The following PTPRD variants were observed in gnomAD, a reference collection of about 807,000 sequenced individuals.
The protein encoded by PTPRD is receptor-type tyrosine-protein phosphatase delta.
A neutral mutation model predicts 214.5 loss-of-function variants in PTPRD; 34 were observed. That is an observed-to-expected ratio of 0.16 (90% CI 0.12 to 0.21). PTPRD has a LOEUF of 0.21. Among genes scored for constraint, PTPRD ranks in the 10% least tolerant of loss-of-function variants. The probability of loss-of-function intolerance (pLI) is 1.00; values close to 1 mark genes in which losing one functional copy is unlikely to be tolerated. For missense variants in PTPRD, 2,545 were observed against 2,398.7 expected (o/e 1.06, Z -1.27); for synonymous variants, 1,128 against 845.7 (o/e 1.33, Z -5.79).
At chr9:9,990,505 G>C (rs2095874995) in intron 4 of PTPRD, among the ~76,000 whole-genome samples, 1 of 152,166 alleles carries the variant, frequency 6.6e-6, no homozygotes, top group Admixed American at 6.5e-5. Context: ...CCCATTCCAG[G>C]CATGACTGTG....
At chr9:9,180,128 C>T (rs1466779516) in intron 10 of PTPRD, among the ~76,000 whole-genome samples, 2 of 151,628 alleles carry the variant, frequency 1.3e-5, no homozygotes, top group African/African-American at 2.4e-5. Flanking sequence ...AATCATGCTG[C>T]TATGAAGACA....
chr9:9,649,349 A>G (rs1457448502), intron 7 of PTPRD, among the ~76,000 whole-genome samples: 2 of 152,122 alleles, frequency 1.3e-5, no homozygotes, highest in African/African-American at 4.8e-5. Flanking sequence ...TAATGTGTAC[A>G]CTCTATCTGT....
At chr9:10,267,619 A>G (rs1595752213) in intron 3 of PTPRD, among the ~76,000 whole-genome samples, 1 of 152,216 alleles carries the variant, frequency 6.6e-6, no homozygotes. Flanking sequence ...ACTGGAATAT[A>G]AATTGGTACA....
At chr9:9,407,509 T>A (rs2073932433) in intron 8 of PTPRD, among the ~76,000 whole-genome samples, 1 of 151,820 alleles carries the variant, frequency 6.6e-6, no homozygotes, top group South Asian at 2.1e-4. Context: ...TACCTCTGAA[T>A]AATAGGATAT....
At chr9:9,804,269 T>C (rs1347776604) in intron 5 of PTPRD, among the ~76,000 whole-genome samples, 1 of 152,066 alleles carries the variant, frequency 6.6e-6, no homozygotes, top group Non-Finnish European at 1.5e-5. Context: ...CATGCAATAT[T>C]TCATAAAATA....
intron 9 of PTPRD, among the ~76,000 whole-genome samples, chr9:9,228,859 C>G (rs1336547145): frequency 6.6e-6 from 1 of 152,040 alleles, no homozygotes; most frequent in Non-Finnish European, 1.5e-5. Flanking sequence ...ATTGAAAAGG[C>G]AGAATTCTAA....
At chr9:9,989,007 T>TTCAC (rs2095815432) in intron 4 of PTPRD, among the ~76,000 whole-genome samples, 1 of 96,572 alleles carries the variant, frequency 1.0e-5, no homozygotes, top group Non-Finnish European at 1.8e-5. Context: ...AGCCCTTAGT[T>TTCAC]TCACTGACCA....
At chr9:8,980,211 C>T (rs1456665910) in intron 11 of PTPRD, among the ~76,000 whole-genome samples, 1 of 151,606 alleles carries the variant, frequency 6.6e-6, no homozygotes, top group Non-Finnish European at 1.5e-5. Context: ...GAGAGTGAAA[C>T]CATGTTTATC....
intron 14 of PTPRD, among the ~76,000 whole-genome samples, chr9:8,612,697 T>G (rs2095491948): frequency 6.6e-6 from 1 of 152,230 alleles, no homozygotes; most frequent in African/African-American, 2.4e-5. Flanking sequence ...GGATGTTCAC[T>G]GAGGTGAGAA....
intron 7 of PTPRD, among the ~76,000 whole-genome samples, chr9:9,734,016 T>C (rs1355489983): frequency 2.0e-5 from 3 of 152,170 alleles, no homozygotes; most frequent in East Asian, 1.9e-4. Context: ...CAGGAAAATG[T>C]TGCAAGGATT....
rs567819917 is a variant in PTPRD at position 8,632,997 on chromosome 9, C to G, written c.352+320G>C. On this transcript the variant is annotated intron_variant, in intron 14 of 45. Coordinates refer to ENST00000381196, the MANE Select transcript of PTPRD (RefSeq NM_002839.4). ...GAATACAGTATGAAAAATCCATGCA[C>G]GAGTAATGCCAACATATAAAAGAGT... Among the ~76,000 whole-genome samples the G allele has an allele frequency of 1.3e-4, 20 of 151,916 alleles. No homozygotes were observed. The East Asian group carries it at 3.7e-3, about 28-fold the overall frequency.
intron 9 of PTPRD, among the ~76,000 whole-genome samples, chr9:9,245,918 C>G (rs1174740294): frequency 6.6e-6 from 1 of 151,958 alleles, no homozygotes; most frequent in African/African-American, 2.4e-5. Context: ...GGTTCTGTAG[C>G]TTTCAGATAT....
intron 12 of PTPRD, among the ~76,000 whole-genome samples, chr9:8,721,429 C>CAAA (rs35721977): frequency 2.9e-3 from 281 of 97,314 alleles, no homozygotes; most frequent in African/African-American, 9.7e-3. Flanking sequence ...GACTCCATTT[C>CAAA]AAAAAAAAAA....
At chr9:10,056,860 G>A (rs2097660868) in intron 3 of PTPRD, among the ~76,000 whole-genome samples, 1 of 152,048 alleles carries the variant, frequency 6.6e-6, no homozygotes, top group South Asian at 2.1e-4. Flanking sequence ...ACAGAAGCAG[G>A]GACTTGCAGA....
chr9:9,325,752 G>A (rs899181433), intron 9 of PTPRD, among the ~76,000 whole-genome samples: 2 of 152,084 alleles, frequency 1.3e-5, no homozygotes, highest in African/African-American at 2.4e-5. Context: ...GGTGAGAGAG[G>A]GCATCCCTGT....
chr9:8,618,178 T>C (rs932697730), intron 14 of PTPRD, among the ~76,000 whole-genome samples: 2 of 152,114 alleles, frequency 1.3e-5, no homozygotes, highest in African/African-American at 4.8e-5. Flanking sequence ...TTCCACCAAC[T>C]GCTGTTTAAG....
At chr9:8,351,167 C>T (rs2075335341) in intron 39 of PTPRD, among the ~76,000 whole-genome samples, 1 of 152,072 alleles carries the variant, frequency 6.6e-6, no homozygotes, top group South Asian at 2.1e-4. Context: ...TGACCCTCTC[C>T]AAAATAGCAT....
At chr9:9,063,980 T>C (rs1220559007) in intron 10 of PTPRD, among the ~76,000 whole-genome samples, 1 of 152,204 alleles carries the variant, frequency 6.6e-6, no homozygotes, top group Non-Finnish European at 1.5e-5. Flanking sequence ...GTATTACTTT[T>C]ATTTACTGTG....
intron 2 of PTPRD, among the ~76,000 whole-genome samples, chr9:10,428,096 A>G (rs687154): frequency 0.027 from 4,059 of 152,038 alleles, 167 homozygotes; most frequent in African/African-American, 0.091. Context: ...CGGGAATACC[A>G]TAAAGGTCAG....
Sources: gnomAD v4.1 joint callset for allele counts (sites outside exome capture counted in the v4.1 genomes callset) on GRCh38, gnomAD v4.1.1 for gene constraint, MANE v1.5 for transcripts, NCBI Gene and HGNC (gene_info 2026-07-23, HGNC 2026-07-21) for gene names.